The following PGBD5 variants were observed in gnomAD, a reference collection of about 807,000 sequenced individuals.
The protein encoded by PGBD5 is piggyBac transposable element derived 5.
PGBD5 carries 14 observed loss-of-function variants against 47.9 expected under a neutral mutation model. The ratio of observed to expected loss-of-function variants is 0.29; its 90% CI spans 0.19 to 0.46. The LOEUF (loss-of-function observed/expected upper bound fraction) is 0.46, where lower values mean the gene tolerates loss of function less well. Ranked by LOEUF, PGBD5 falls within the 20% of genes least tolerant of loss-of-function variation. PGBD5 has a pLI of 1.00. For missense variants in PGBD5, 635 were observed against 716.0 expected (o/e 0.89, Z 1.29); for synonymous variants, 316 against 306.3 (o/e 1.03, Z -0.33).
At position 230,315,828 on chromosome 1, in the gene PGBD5, G is replaced by GTATATCTATACATGTGTATATA. The variant is rs1666928144; in HGVS notation, c.*7596_*7597insTATATACACATGTATAGATATA. On this transcript the variant is annotated 3_prime_UTR_variant, in exon 7 of 7. Transcript: ENST00000391860. ...TATGTATATGTGCATACATATAGAG[G>GTATATCTATACATGTGTATATA]TATACATATAGATGCATATCTGTAT... 3 of 138,608 alleles carry GTATATCTATACATGTGTATATA rather than the reference G, an allele frequency of 2.2e-5. No homozygotes were observed. The highest frequency in any genetic ancestry group is 1.5e-4 in the Admixed American group (2 of 13,662). 8.6% of individuals were successfully genotyped at this position (138,608 alleles called of 1,614,324 possible). A position where few individuals can be genotyped will look rare whatever the true frequency, so the allele number is the denominator to read the frequency against.
intron 1 of PGBD5, among the ~76,000 whole-genome samples, chr1:230,387,629 A>C (rs1656676800): frequency 6.6e-6 from 1 of 152,214 alleles, no homozygotes. Context: ...CTTTCCAGCT[A>C]TTCAGAGACA....
intron 1 of PGBD5, among the ~76,000 whole-genome samples, chr1:230,410,504 C>G (rs2102749304): frequency 6.6e-6 from 1 of 152,058 alleles, no homozygotes; most frequent in East Asian, 1.9e-4. Flanking sequence ...GATCACAATC[C>G]AATAAAATGA....
chr1:230,399,994 T>C (rs978211614), intron 1 of PGBD5, among the ~76,000 whole-genome samples: 2 of 152,216 alleles, frequency 1.3e-5, no homozygotes, highest in African/African-American at 4.8e-5. Context: ...TCTTTAAAAC[T>C]TACACAGGGC....
At chr1:230,353,027 G>C (rs995099739) in intron 2 of PGBD5, among the ~76,000 whole-genome samples, 1 of 152,126 alleles carries the variant, frequency 6.6e-6, no homozygotes, top group Non-Finnish European at 1.5e-5. Context: ...TTAATCACAT[G>C]CCTTATCAAA....
In PGBD5 at chr1:230,325,360, C is replaced by T. The variant is rs149139115; in HGVS notation, c.1329G>A (p.Ala443=). Residue 443 remains alanine (A), a synonymous_variant, in exon 6 of 7, where the codon GCG becomes GCA. Coordinates refer to ENST00000391860, the MANE Select transcript of PGBD5 (RefSeq NM_001258311.2). ...AGATGTAGCTCAGGTGAGCGGCAAA[C>T]GCCTCCACGGCCAAGGGGCATGGGA... is the stretch of plus-strand genomic sequence containing the variant. ...GEIPCPLAVE[A]FAAHLSYICR... The T allele has an allele frequency of 1.4e-4, 223 of 1,613,738 alleles. 2 individuals carry two copies. The highest frequency in any genetic ancestry group is 1.3e-3 in the African/African-American group (101 of 75,046).
intron 1 of PGBD5, among the ~76,000 whole-genome samples, chr1:230,376,348 A>G (rs1668015520): frequency 1.3e-5 from 2 of 152,058 alleles, no homozygotes; most frequent in African/African-American, 4.8e-5. Flanking sequence ...GCTGTATCCA[A>G]GCTCCAGAGT....
At chr1:230,405,412 A>T (rs1011024431) in intron 1 of PGBD5, among the ~76,000 whole-genome samples, 5 of 152,054 alleles carry the variant, frequency 3.3e-5, no homozygotes, top group Non-Finnish European at 7.4e-5. Flanking sequence ...AACAGTAAAT[A>T]TATTTTCTCT....
intron 1 of PGBD5, among the ~76,000 whole-genome samples, chr1:230,420,775 A>T (rs1657628906): frequency 6.6e-6 from 1 of 152,238 alleles, no homozygotes; most frequent in African/African-American, 2.4e-5. Context: ...TGTCTTTATC[A>T]GCAGCATGAA....
rs1033572203 is a variant in PGBD5, at chr1:230,356,262, G to T, written c.759+632C>A. Among the ~76,000 whole-genome samples the T allele has an allele frequency of 2.0e-5, 3 of 152,182 alleles. No homozygotes were observed. In the South Asian group the frequency reaches 6.2e-4, roughly 31 times the overall value. Reference sequence around the variant, plus strand: ...TGGAGTTCTATCTCCCCAGGGCCAGGTGCCATTGTCCCAGGTGCAAGTGGA... The same window carrying T: ...TGGAGTTCTATCTCCCCAGGGCCAGTTGCCATTGTCCCAGGTGCAAGTGGA... On this transcript the variant is annotated intron_variant, in intron 2 of 6. Coordinates refer to ENST00000391860, the MANE Select transcript of PGBD5 (RefSeq NM_001258311.2).
intron 1 of PGBD5, among the ~76,000 whole-genome samples, chr1:230,402,049 G>A (rs774847988): frequency 1.3e-5 from 2 of 152,188 alleles, no homozygotes; most frequent in Non-Finnish European, 2.9e-5. Flanking sequence ...TGACAGGGAG[G>A]GGGAGAGAAG....
chr1:230,365,019 CAA>C (rs879775744), intron 1 of PGBD5, among the ~76,000 whole-genome samples: 3 of 100,138 alleles, frequency 3.0e-5, no homozygotes, highest in African/African-American at 3.8e-5. Context: ...GACTCCATCT[CAA>C]AAAAAAAAAA....
intron 1 of PGBD5, among the ~76,000 whole-genome samples, chr1:230,397,130 T>C (rs270850): frequency 0.3 from 45,039 of 152,074 alleles, 6,801 homozygotes; most frequent in South Asian, 0.37. Context: ...GGCCTCCCAT[T>C]GCCCACCCGC....
At chr1:230,400,533 G>A (rs898637093) in intron 1 of PGBD5, among the ~76,000 whole-genome samples, 2 of 152,216 alleles carry the variant, frequency 1.3e-5, no homozygotes, top group African/African-American at 4.8e-5. Context: ...GACATAATGG[G>A]TGCTCAGTAA....
At chr1:230,411,266 G>A (rs907245184) in intron 1 of PGBD5, among the ~76,000 whole-genome samples, 1 of 152,192 alleles carries the variant, frequency 6.6e-6, no homozygotes, top group Non-Finnish European at 1.5e-5. Flanking sequence ...CTGGGCAACA[G>A]AGCACAGACC....
chr1:230,338,946 A>T (rs1362753763), intron 3 of PGBD5, among the ~76,000 whole-genome samples: 1 of 152,146 alleles, frequency 6.6e-6, no homozygotes, highest in African/African-American at 2.4e-5. Context: ...GGCCCATGCG[A>T]GATAAGTTCT....
intron 1 of PGBD5, among the ~76,000 whole-genome samples, chr1:230,376,158 T>C (rs828461): frequency 0.26 from 39,006 of 151,972 alleles, 5,961 homozygotes; most frequent in Non-Finnish European, 0.33. Context: ...TTCCTTTCTA[T>C]GCAGGCACAG....
At chr1:230,345,983 A>G (rs1667468096) in intron 3 of PGBD5, among the ~76,000 whole-genome samples, 1 of 152,064 alleles carries the variant, frequency 6.6e-6, no homozygotes, top group East Asian at 1.9e-4. Flanking sequence ...AGCCTCCCAC[A>G]TTGCTGGTAC....
At chr1:230,360,003 A>C (rs1245595274) in intron 1 of PGBD5, among the ~76,000 whole-genome samples, 6 of 152,114 alleles carry the variant, frequency 3.9e-5, no homozygotes, top group Admixed American at 2.0e-4. Context: ...ACCTACTCCT[A>C]ATGAAAATCA....
At position 230,341,278 on chromosome 1, in the gene PGBD5, G is replaced by A. The variant is rs144258345; in HGVS notation, c.895-3990C>T. Among the ~76,000 whole-genome samples, 813 of 152,284 alleles carry A rather than the reference G, an allele frequency of 5.3e-3. 2 individuals are homozygous for A. The highest frequency in any genetic ancestry group is 8.0e-3 in the Non-Finnish European group (542 of 68,024). ...CAAAATCTGGCCAGGAAAAGGCCCA[G>A]TCTAAGAGGTACTGCTTGGTCTGAT... On this transcript the variant is annotated intron_variant, in intron 3 of 6. Coordinates refer to ENST00000391860, the MANE Select transcript of PGBD5 (RefSeq NM_001258311.2).
Sources: gnomAD v4.1 joint callset for allele counts (sites outside exome capture counted in the v4.1 genomes callset) on GRCh38, gnomAD v4.1.1 for gene constraint, MANE v1.5 for transcripts, NCBI Gene and HGNC (gene_info 2026-07-23, HGNC 2026-07-21) for gene names.